Variants in EHBP1 observed in about 807,000 individuals in gnomAD.
EHBP1 encodes the protein EH domain binding protein 1, also known as EH domain-binding protein 1.
In EHBP1, 55 loss-of-function variants were observed where a neutral mutation model predicts 144.0. The observed-to-expected ratio is 0.38, with a 90% CI of 0.31 to 0.48. The LOEUF (loss-of-function observed/expected upper bound fraction) is 0.48, where lower values mean the gene tolerates loss of function less well. Among genes scored for constraint, EHBP1 ranks in the 20% least tolerant of loss-of-function variants. EHBP1 has a pLI of 0.98. For missense variants in EHBP1, 1,200 were observed against 1,364.2 expected (o/e 0.88, Z 1.90); for synonymous variants, 469 against 472.7 (o/e 0.99, Z 0.10).
chr2:62,906,744 C>G (rs1164325528), intron 10 of EHBP1, among the ~76,000 whole-genome samples: 2 of 152,166 alleles, frequency 1.3e-5, no homozygotes, highest in Non-Finnish European at 2.9e-5. Flanking sequence ...CAAAACATTT[C>G]TTTCACCACA....
chr2:62,942,011 T>C (rs1216662535), intron 10 of EHBP1, among the ~76,000 whole-genome samples: 2 of 152,124 alleles, frequency 1.3e-5, no homozygotes, highest in African/African-American at 4.8e-5. Context: ...GGTAAAAGTA[T>C]ATACTTACCA....
chr2:62,848,150 C>T (rs996350906), intron 7 of EHBP1, among the ~76,000 whole-genome samples: 5 of 150,684 alleles, frequency 3.3e-5, no homozygotes, highest in African/African-American at 1.2e-4. Context: ...ATGATTTCAG[C>T]TCACTGCAAC....
At chr2:62,716,715 T>C (rs751659020) in intron 2 of EHBP1, among the ~76,000 whole-genome samples, 1 of 152,252 alleles carries the variant, frequency 6.6e-6, no homozygotes, top group Non-Finnish European at 1.5e-5. Flanking sequence ...TCTTTATTCC[T>C]GCGACAAATA....
At chr2:62,928,125 C>T (rs2055678717) in intron 10 of EHBP1, among the ~76,000 whole-genome samples, 1 of 152,170 alleles carries the variant, frequency 6.6e-6, no homozygotes, top group Admixed American at 6.5e-5. Flanking sequence ...TTAACACTCA[C>T]ATTCAAATAC....
chr2:62,858,284 G>A (rs1296513377), intron 7 of EHBP1: 10 of 584,132 alleles, frequency 1.7e-5, no homozygotes, highest in East Asian at 2.7e-5. Flanking sequence ...AACATCCACC[G>A]AATGTATTCT....
At chr2:62,823,735 A>T (rs912564493) in intron 5 of EHBP1, among the ~76,000 whole-genome samples, 2 of 152,092 alleles carry the variant, frequency 1.3e-5, no homozygotes, top group African/African-American at 2.4e-5. Flanking sequence ...TTTTAAGGAG[A>T]GAACAATGTC....
chr2:62,907,706 G>C (rs187216349), intron 10 of EHBP1, among the ~76,000 whole-genome samples: 1 of 152,282 alleles, frequency 6.6e-6, no homozygotes, highest in East Asian at 1.9e-4. Context: ...TTAAGGGTTA[G>C]GGTTTCAACT....
intron 7 of EHBP1, among the ~76,000 whole-genome samples, chr2:62,852,552 A>G (rs1225497589): frequency 6.6e-6 from 1 of 152,122 alleles, no homozygotes; most frequent in African/African-American, 2.4e-5. Flanking sequence ...GAATTAACTG[A>G]TAATGGATGC....
intron 8 of EHBP1, 45 bp from the exon 9 acceptor site, chr2:62,864,681 AATATC>A: frequency 6.5e-7 from 1 of 1,531,724 alleles, no homozygotes; most frequent in Non-Finnish European, 8.9e-7. Context: ...AATATTAGAA[AATATC>A]ATATGGTATT....
At chr2:63,039,677 A>C (rs1190543246) in intron 21 of EHBP1, among the ~76,000 whole-genome samples, 1 of 152,166 alleles carries the variant, frequency 6.6e-6, no homozygotes, top group Non-Finnish European at 1.5e-5. Context: ...TAGTTCAGAA[A>C]CTGGAAATTT....
chr2:62,830,153 GAC>G (rs368948717), intron 6 of EHBP1, among the ~76,000 whole-genome samples: 14,819 of 131,848 alleles, frequency 0.11, 873 homozygotes, highest in Non-Finnish European at 0.15. Flanking sequence ...TATATATATA[GAC>G]ACACACACAC....
At chr2:62,959,959 A>G (rs941379394) in intron 14 of EHBP1, among the ~76,000 whole-genome samples, 2 of 152,206 alleles carry the variant, frequency 1.3e-5, no homozygotes, top group African/African-American at 2.4e-5. Flanking sequence ...GACAATGTCC[A>G]TGTACTCAGT....
chr2:62,783,086 A>G (rs897103148), intron 5 of EHBP1, among the ~76,000 whole-genome samples: 2 of 152,180 alleles, frequency 1.3e-5, no homozygotes, highest in African/African-American at 2.4e-5. Context: ...TGCAAGTCCA[A>G]AATCCAACAG....
chr2:62,739,128 A>G (rs1248838485), intron 2 of EHBP1, among the ~76,000 whole-genome samples: 1 of 152,206 alleles, frequency 6.6e-6, no homozygotes, highest in Non-Finnish European at 1.5e-5. Flanking sequence ...TTCACAGATG[A>G]GGAACATCTT....
Position 62,917,445 on chromosome 2 carries a change from C to T in EHBP1, c.1186-25273C>T, listed in dbSNP as rs1383820248. ...GTATATTAATATAAACAGATGCGCA[C>T]GTGTGCACACAGATGCACATGTGTG... is the stretch of plus-strand genomic sequence containing the variant. On this transcript the variant is annotated intron_variant, in intron 10 of 22. Coordinates refer to ENST00000431489, the MANE Select transcript of EHBP1 (RefSeq NM_001142616.3). Among the ~76,000 whole-genome samples, 3 of 152,014 alleles carry T rather than the reference C, an allele frequency of 2.0e-5. No individual in the cohort carries two copies. The East Asian group carries it at 5.8e-4, about 29-fold the overall frequency.
At chr2:62,962,966 T>A (rs2058070190) in intron 14 of EHBP1, among the ~76,000 whole-genome samples, 1 of 152,224 alleles carries the variant, frequency 6.6e-6, no homozygotes, top group Non-Finnish European at 1.5e-5. Context: ...AGGAGCCTTT[T>A]CTCACATAAC....
chr2:62,812,615 A>G (rs1360142420), intron 5 of EHBP1, among the ~76,000 whole-genome samples: 1 of 152,210 alleles, frequency 6.6e-6, no homozygotes, highest in African/African-American at 2.4e-5. Flanking sequence ...GGTATTGGGT[A>G]CTGGAATAAA....
intron 5 of EHBP1, among the ~76,000 whole-genome samples, chr2:62,774,673 A>G (rs1470333921): frequency 1.3e-5 from 2 of 152,090 alleles, no homozygotes; most frequent in Non-Finnish European, 2.9e-5. Flanking sequence ...AAGGAGACTC[A>G]GTCTACAAAA....
intron 10 of EHBP1, among the ~76,000 whole-genome samples, chr2:62,935,067 T>C (rs1013024404): frequency 3.9e-5 from 6 of 152,068 alleles, no homozygotes; most frequent in African/African-American, 9.7e-5. Context: ...CGGTGGCTCA[T>C]GCCTGTAATC....
Sources: allele counts gnomAD v4.1 joint callset (sites outside exome capture counted in the v4.1 genomes callset), GRCh38; gene constraint gnomAD v4.1.1; transcripts MANE v1.5; gene names NCBI Gene and HGNC (gene_info 2026-07-23, HGNC 2026-07-21).